The following FBN2 variants were observed in gnomAD, a reference collection of about 807,000 sequenced individuals.
FBN2 encodes fibrillin 2, also known as fibrillin-2.
FBN2 carries 105 observed loss-of-function variants against 355.6 expected under a neutral mutation model. The ratio of observed to expected loss-of-function variants is 0.30; its 90% CI spans 0.25 to 0.35. The LOEUF is 0.35. Among genes scored for constraint, FBN2 ranks in the 10% least tolerant of loss-of-function variants. The pLI, the probability that FBN2 is intolerant of heterozygous loss-of-function variation, is 1.00. For synonymous variants in FBN2, 1,350 were observed against 1,301.2 expected, an observed-to-expected ratio of 1.04 and a Z score of -0.81; for missense variants, 3,280 against 3,758.7, an observed-to-expected ratio of 0.87 and a Z score of 3.33.
At chr5:128,350,098 C>A in intron 21 of FBN2, 93 bp from the exon 22 acceptor site, 1 of 1,114,656 alleles carries the variant, frequency 9.0e-7, no homozygotes, top group East Asian at 2.4e-5. Flanking sequence ...CTAAATGGAA[C>A]TAAATAAAAA....
chr5:128,520,947 G>A (rs1756415717), intron 4 of FBN2, among the ~76,000 whole-genome samples: 1 of 151,926 alleles, frequency 6.6e-6, no homozygotes, highest in Non-Finnish European at 1.5e-5. Flanking sequence ...AAAGGCCACG[G>A]GGAACATGAA....
chr5:128,278,577 T>C, intron 57 of FBN2, 58 bp downstream of exon 57: 1 of 1,498,302 alleles, frequency 6.7e-7, no homozygotes, highest in East Asian at 2.3e-5. Flanking sequence ...TTCACATTTA[T>C]CTGAATTCAT....
Position 128,393,330 on chromosome 5 carries a change from C to T in FBN2, c.1270G>A (p.Gly424Arg), listed in dbSNP as rs863223550. Reference protein sequence around the residue: ...RRLCMDGLPMGGIPGSAGSRP... With the variant: ...RRLCMDGLPMRGIPGSAGSRP... ...GAACCAGCACTCCCTGGAATTCCTC[C>T]CATTGGAAGTCCATCCATGCAAAGT... Residue 424 changes from glycine (G) to arginine (R), a missense_variant, in exon 10 of 65, where the codon GGA becomes AGA. This residue lies in a region of FBN2 where 343 missense variants were observed against 331.0 expected (regional missense o/e 1.04). Transcript: ENST00000262464. 6.2e-7 allele frequency: 1 copy of T among 1,614,154 alleles called. No individual in the cohort carries two copies. Among genetic ancestry groups the T allele is most frequent in the Non-Finnish European group, 8.5e-7 (1 of 1,180,000 alleles).
chr5:128,471,838 T>C (rs1008538249), intron 5 of FBN2, among the ~76,000 whole-genome samples: 2 of 152,290 alleles, frequency 1.3e-5, no homozygotes, highest in East Asian at 3.9e-4. Context: ...GTTTTTAATT[T>C]ATTAGCTTTT....
intron 34 of FBN2, among the ~76,000 whole-genome samples, chr5:128,321,676 T>C (rs905823293): frequency 7.9e-5 from 12 of 152,354 alleles, no homozygotes; most frequent in African/African-American, 2.6e-4. Context: ...CCACATTTTC[T>C]TTATCCAGTC....
At chr5:128,475,152 C>T (rs1561474767) in intron 5 of FBN2, among the ~76,000 whole-genome samples, 3 of 152,118 alleles carry the variant, frequency 2.0e-5, no homozygotes, top group Admixed American at 1.3e-4. Context: ...TATACATTAG[C>T]ACCAGGAGAG....
chr5:128,265,784 C>G (rs1339812541), intron 62 of FBN2, among the ~76,000 whole-genome samples: 1 of 152,174 alleles, frequency 6.6e-6, no homozygotes, highest in Non-Finnish European at 1.5e-5. Context: ...TTAGTTTGAA[C>G]TGAAAGCTTT....
chr5:128,508,066 T>C (rs560765435), intron 5 of FBN2, among the ~76,000 whole-genome samples: 1 of 152,214 alleles, frequency 6.6e-6, no homozygotes, highest in Non-Finnish European at 1.5e-5. Flanking sequence ...ATCTTCTTTG[T>C]CTGATATTAA....
At chr5:128,504,982 C>T (rs1342760877) in intron 5 of FBN2, among the ~76,000 whole-genome samples, 1 of 152,118 alleles carries the variant, frequency 6.6e-6, no homozygotes, top group African/African-American at 2.4e-5. Context: ...CCATACTGTT[C>T]TCATGGTAGT....
Position 128,518,186 on chromosome 5 carries a change from C to T in FBN2, c.628+1087G>A, listed in dbSNP as rs1306262044. ...ACTCCCCTCTCCCCACTGCACTGCC[C>T]TGCACCGCAACTCAGCTCAACCTAA... is the stretch of plus-strand genomic sequence containing the variant. On this transcript the variant is annotated intron_variant, in intron 5 of 64. Transcript: ENST00000262464. 3.3e-5 allele frequency among the ~76,000 whole-genome samples: 5 copies of T among 152,264 alleles called. No homozygotes were observed. The East Asian group carries it at 7.7e-4, about 24-fold the overall frequency.
chr5:128,316,096 A>G (rs1257241415), intron 36 of FBN2, among the ~76,000 whole-genome samples: 1 of 152,232 alleles, frequency 6.6e-6, no homozygotes, highest in East Asian at 1.9e-4. Flanking sequence ...AATAAATGCT[A>G]AAAGAAGATT....
intron 34 of FBN2, chr5:128,328,368 G>A: frequency 1.8e-6 from 1 of 570,642 alleles, no homozygotes; most frequent in South Asian, 2.1e-5. Flanking sequence ...ACAAGTAATG[G>A]AGCATACTTT....
chr5:128,415,915 C>G (rs1387576294), intron 7 of FBN2, among the ~76,000 whole-genome samples: 1 of 152,002 alleles, frequency 6.6e-6, no homozygotes. Flanking sequence ...AAGATGACAT[C>G]TCATTGTAAT....
intron 55 of FBN2, among the ~76,000 whole-genome samples, chr5:128,280,685 G>C (rs1765514409): frequency 6.6e-6 from 1 of 152,146 alleles, no homozygotes; most frequent in Non-Finnish European, 1.5e-5. Flanking sequence ...AAGGTGTGGG[G>C]AGAGGGATGG....
At chr5:128,385,032 G>A (rs1361480462) in intron 11 of FBN2, among the ~76,000 whole-genome samples, 1 of 152,028 alleles carries the variant, frequency 6.6e-6, no homozygotes, top group African/African-American at 2.4e-5. Context: ...AGAAAGATAT[G>A]TTTTACATAT....
At chr5:128,280,406 A>C in intron 55 of FBN2, 89 bp from the exon 56 acceptor site, 1 of 994,136 alleles carries the variant, frequency 1.0e-6, no homozygotes. Flanking sequence ...CTTATTTAAC[A>C]CTTCTTTGCC....
rs70997371 is a variant in FBN2, at chr5:128,455,990, C to CAAAAAAAAAAAAAAAAAAAAAAAAAAAA, written c.826+8706_826+8733dup. Among the ~76,000 whole-genome samples the CAAAAAAAAAAAAAAAAAAAAAAAAAAAA allele has an allele frequency of 4.7e-4, 12 of 25,276 alleles. 5 individuals carry two copies. The highest frequency in any genetic ancestry group is 9.5e-4 in the Non-Finnish European group (12 of 12,634). 16.6% of individuals were successfully genotyped at this position (25,276 alleles called of 152,430 possible). On this transcript the variant is annotated intron_variant, in intron 6 of 64. Transcript: ENST00000262464. ...GAGCTCCTTGGGGGAGGGTTAGCAA[C>CAAAAAAAAAAAAAAAAAAAAAAAAAAAA]AAAAAAAAAAAAAAAAAAAAAAAAA...
chr5:128,269,244 G>A (rs956714884), intron 62 of FBN2, among the ~76,000 whole-genome samples: 2 of 149,228 alleles, frequency 1.3e-5, no homozygotes, highest in Non-Finnish European at 1.5e-5. Flanking sequence ...GTGAAACCCC[G>A]TCTCTACTAA....
chr5:128,357,393 T>A lies in FBN2; in HGVS notation c.2557A>T (p.Ile853Leu), dbSNP rs148598779. 5 of 1,613,866 alleles carry A rather than the reference T, an allele frequency of 3.1e-6. No homozygotes were observed. The highest frequency in any genetic ancestry group is 8.5e-7 in the Non-Finnish European group (1 of 1,179,750). Residue 853 changes from isoleucine (I) to leucine (L), a missense_variant and splice_region_variant, in exon 20 of 65, where the codon ATA becomes TTA. Ile to Leu is a conservative substitution (Grantham distance 5). Around this residue, in one of 6 missense-constraint regions of FBN2, gnomAD observed 2,284 missense variants for 2,749.5 expected, o/e 0.83. Coordinates refer to ENST00000262464, the MANE Select transcript of FBN2 (RefSeq NM_001999.4). ...CATGGGTTGCTTTCACATTCATTTA[T>A]ATCTACAATCCAGAAGGAAAAGATT... Reference protein sequence around the residue: ...FRTETETCEDINECESNPCVN... With the variant: ...FRTETETCEDLNECESNPCVN...
Sources: gnomAD v4.1 joint callset for allele counts (sites outside exome capture counted in the v4.1 genomes callset) on GRCh38, gnomAD v4.1.1 for gene constraint, gnomAD v4.1.1 regional missense constraint, MANE v1.5 for transcripts, NCBI Gene and HGNC (gene_info 2026-07-23, HGNC 2026-07-21) for gene names.